TAF1D: variants seen among roughly 807,000 people sequenced by gnomAD.
The protein encoded by TAF1D is TATA box-binding protein-associated factor RNA polymerase I subunit D.
TAF1D carries 23 observed loss-of-function variants against 26.2 expected under a neutral mutation model. That is an observed-to-expected ratio of 0.88 (90% CI 0.63 to 1.25). TAF1D has a LOEUF of 1.25. TAF1D is among the 50% of genes most tolerant of loss of function. TAF1D has a pLI of 0.00. For synonymous variants in TAF1D, 100 were observed against 105.6 expected, an observed-to-expected ratio of 0.95 and a Z score of 0.33; for missense variants, 299 against 322.0, an observed-to-expected ratio of 0.93 and a Z score of 0.55.
At chr11:93,733,380 T>C (rs1399005648), downstream of TAF1D, 3 of 518,818 alleles carry the variant, frequency 5.8e-6, no homozygotes, top group Non-Finnish European at 7.7e-6. Flanking sequence ...GGTACAGATG[T>C]GTGGAGTATG....
downstream of TAF1D, chr11:93,735,346 G>C: frequency 8.9e-7 from 1 of 1,122,580 alleles, no homozygotes; most frequent in Non-Finnish European, 1.1e-6. Context: ...GAATAAATGT[G>C]TATGCCTTTT....
At chr11:93,736,639 T>C in intron 5 of TAF1D, 55 bp downstream of exon 5, 1 of 1,598,448 alleles carries the variant, frequency 6.3e-7, no homozygotes, top group South Asian at 1.1e-5. Flanking sequence ...ATTCCTTCTG[T>C]ATCAACCAAC....
chr11:93,740,069 G>A (rs760860063), intron 1 of TAF1D, among the ~76,000 whole-genome samples: 1 of 151,890 alleles, frequency 6.6e-6, no homozygotes, highest in Non-Finnish European at 1.5e-5. Context: ...AGCACTTTGG[G>A]AGGTCGAGGC....
In TAF1D at chr11:93,738,422, A is replaced by G. The variant is rs1941188317; in HGVS notation, c.146T>C (p.Ile49Thr). ...YSPKGEKRNP[I>T]RKFVRTPESV... Reference sequence around the variant, plus strand: ...TTCAGGTGTACGAACAAATTTTCGAATGGGGTTTCTTTTCTCCCCTTTAGG... The same window carrying G: ...TTCAGGTGTACGAACAAATTTTCGAGTGGGGTTTCTTTTCTCCCCTTTAGG... Residue 49 changes from isoleucine to threonine, a missense_variant, in exon 3 of 6, where the codon ATT becomes ACT. Transcript: ENST00000448108. The G allele has an allele frequency of 6.2e-7, 1 of 1,612,762 alleles. No individual in the cohort carries two copies. Among genetic ancestry groups the G allele is most frequent in the South Asian group, 1.1e-5 (1 of 90,528 alleles).
intron 2 of TAF1D, chr11:93,738,902 G>T: frequency 3.0e-6 from 1 of 332,186 alleles, no homozygotes; most frequent in South Asian, 4.9e-5. Context: ...CAATGTATGA[G>T]CTCCAAAAGG....
chr11:93,731,399 A>C, downstream of TAF1D: 1 of 465,788 alleles, frequency 2.1e-6, no homozygotes, highest in South Asian at 1.6e-5. Context: ...CAATGATCCC[A>C]TGCCCATTCA....
chr11:93,736,862 A>T, intron 4 of TAF1D, 111 bp from the exon 5 acceptor site: 1 of 1,303,412 alleles, frequency 7.7e-7, no homozygotes, highest in East Asian at 2.4e-5. Flanking sequence ...AAGGAAACAC[A>T]AAATTTGAGA....
Position 93,741,337 on chromosome 11 carries a change from A to G in TAF1D, c.-43T>C, listed in dbSNP as rs529839183. 3 of 456,222 alleles carry G rather than the reference A, an allele frequency of 6.6e-6. No homozygotes were observed. Among genetic ancestry groups the G allele is most frequent in the Admixed American group, 4.7e-5 (2 of 42,584 alleles). 28.3% of individuals were successfully genotyped at this position (456,222 alleles called of 1,614,324 possible). The stretch of plus-strand genomic sequence containing the variant: ...AGCAACCTACCTAAAACGGCCTCGC[A>G]GTGGCCCCAACCGCGCACTTGCTGC... On this transcript the variant is annotated 5_prime_UTR_variant, in exon 1 of 6. Coordinates refer to ENST00000448108, the MANE Select transcript of TAF1D (RefSeq NM_024116.4).
chr11:93,738,314 T>C lies in TAF1D; in HGVS notation c.254A>G (p.Lys85Arg). The C allele has an allele frequency of 6.2e-7, 1 of 1,610,530 alleles. No individual in the cohort carries two copies. Among genetic ancestry groups the C allele is most frequent in the Non-Finnish European group, 8.5e-7 (1 of 1,179,238 alleles). The change falls in exon 3 of 6, where the codon AAG becomes AGG. Residue 85 changes from lysine (K) to arginine (R), a missense_variant. Coordinates refer to ENST00000448108, the MANE Select transcript of TAF1D (RefSeq NM_024116.4). ...TTTTTTATATCTCTTTTTCCTGTTCTTGAATCTTTCAAAAATAGCTTTTAT... is the reference window on the plus strand; with the variant it reads ...TTTTTTATATCTCTTTTTCCTGTTCCTGAATCTTTCAAAAATAGCTTTTAT... ...LTIKAIFERFKNRKKRYKKKK... is the reference protein window; with the variant it reads ...LTIKAIFERFRNRKKRYKKKK...
intron 3 of TAF1D, 102 bp from the exon 4 acceptor site, chr11:93,737,341 G>T: frequency 4.1e-6 from 3 of 723,568 alleles, no homozygotes; most frequent in Non-Finnish European, 4.4e-6. Flanking sequence ...CAAAGACTCT[G>T]AATTTGCTAT....
chr11:93,739,642 C>T (rs919961286), intron 1 of TAF1D, among the ~76,000 whole-genome samples: 2 of 152,104 alleles, frequency 1.3e-5, no homozygotes, highest in African/African-American at 4.8e-5. Context: ...CATATTTTAA[C>T]GTACAATTAC....
downstream of TAF1D, chr11:93,731,014 C>G (rs974751725): frequency 1.9e-6 from 1 of 518,758 alleles, no homozygotes; most frequent in African/African-American, 1.9e-5. Flanking sequence ...AGCAAAGTAG[C>G]AGATAGAAAA....
chr11:93,739,445 C>CAT, intron 1 of TAF1D, 114 bp from the exon 2 acceptor site: 1 of 606,344 alleles, frequency 1.6e-6, no homozygotes, highest in Admixed American at 3.5e-5. Context: ...AATCATTTAC[C>CAT]AAGGTTAAGC....
chr11:93,740,537 C>G (rs1265956046), intron 1 of TAF1D, among the ~76,000 whole-genome samples: 3 of 149,760 alleles, frequency 2.0e-5, no homozygotes, highest in Non-Finnish European at 3.0e-5. Context: ...TCTCTTGTCT[C>G]ATTCTGTAGC....
In TAF1D at chr11:93,739,979, A is replaced by AG. The variant is rs1316403957; in HGVS notation, c.-27-649_-27-648insC. On this transcript the variant is annotated intron_variant, in intron 1 of 5. Coordinates refer to ENST00000448108, the MANE Select transcript of TAF1D (RefSeq NM_024116.4). ...AACATACCAAAAAAAAAAAAAAAAA[A>AG]AAAGAAAAAGATTCCTTCTTGTGAG... Among the ~76,000 whole-genome samples the AG allele has an allele frequency of 1.8e-4, 27 of 150,030 alleles. No individual in the cohort carries two copies. In the South Asian group the frequency reaches 4.8e-3, roughly 27 times the overall value.
At chr11:93,733,253 A>C, downstream of TAF1D, 1 of 519,196 alleles carries the variant, frequency 1.9e-6, no homozygotes, top group Middle Eastern at 3.2e-4. Flanking sequence ...GTTTTAGTTC[A>C]TGCCCGTTAT....
downstream of TAF1D, chr11:93,733,121 C>A: frequency 2.3e-6 from 1 of 433,514 alleles, no homozygotes; most frequent in Admixed American, 2.7e-5. Flanking sequence ...CACATTCATT[C>A]CTATAGAAAG....
chr11:93,731,035 A>T (rs552745348), downstream of TAF1D: 11 of 518,960 alleles, frequency 2.1e-5, no homozygotes, highest in Non-Finnish European at 3.5e-5. Context: ...CCTACTGGGA[A>T]ATTTTTTTAT....
downstream of TAF1D, chr11:93,735,549 T>G: frequency 2.5e-5 from 12 of 483,300 alleles, no homozygotes; most frequent in Non-Finnish European, 3.3e-5. Flanking sequence ...CTAACGCCTG[T>G]AATCCCAGCT....
Sources: gnomAD v4.1 joint callset for allele counts (sites outside exome capture counted in the v4.1 genomes callset) on GRCh38, gnomAD v4.1.1 for gene constraint, MANE v1.5 for transcripts, NCBI Gene and HGNC (gene_info 2026-07-23, HGNC 2026-07-21) for gene names.